Variants in GPM6A observed in about 807,000 individuals in gnomAD.
GPM6A encodes glycoprotein M6A.
In GPM6A, 7 loss-of-function variants were observed where a neutral mutation model predicts 32.1. The ratio of observed to expected loss-of-function variants is 0.22; its 90% confidence interval spans 0.12 to 0.41. The LOEUF (loss-of-function observed/expected upper bound fraction) is 0.41. Among genes scored for constraint, GPM6A ranks in the 10% least tolerant of loss-of-function variants. The pLI, the probability that GPM6A is intolerant of heterozygous loss-of-function variation, is 1.00. For missense variants in GPM6A, 235 were observed against 347.2 expected (o/e 0.68, Z 2.57); for synonymous variants, 130 against 123.4 (o/e 1.05, Z -0.35).
At chr4:175,771,502 C>G (rs1369120534) in intron 1 of GPM6A, among the ~76,000 whole-genome samples, 1 of 139,666 alleles carries the variant, frequency 7.2e-6, no homozygotes, top group Non-Finnish European at 1.5e-5. Flanking sequence ...ACCTGGGAGG[C>G]AGAGGCTGCA....
intron 1 of GPM6A, among the ~76,000 whole-genome samples, chr4:175,967,697 G>T (rs1204556413): frequency 6.6e-6 from 1 of 151,912 alleles, no homozygotes; most frequent in African/African-American, 2.4e-5. Context: ...GAAATACCTA[G>T]GTATAAATCT....
rs771925656 is a variant in GPM6A at position 175,975,616 on chromosome 4, CCTAA to C, written c.-23+26689_-23+26692del. On this transcript the variant is annotated intron_variant, in intron 1 of 7. Coordinates refer to the GPM6A transcript ENST00000280187. Reference sequence around the variant, plus strand: ...TCTAGAATTGCATTTCTCACCAGTTCCTAACTAATTTTTAGAAATATTTAAACAC... The same window carrying C: ...TCTAGAATTGCATTTCTCACCAGTTCCTAATTTTTAGAAATATTTAAACAC... Among the ~76,000 whole-genome samples, 12 of 152,292 alleles carry C rather than the reference CCTAA, an allele frequency of 7.9e-5. No homozygotes were observed. The East Asian group carries it at 2.1e-3, about 27-fold the overall frequency.
At chr4:175,687,928 G>A (rs1744079122) in intron 2 of GPM6A, among the ~76,000 whole-genome samples, 1 of 152,152 alleles carries the variant, frequency 6.6e-6, no homozygotes, top group Admixed American at 6.6e-5. Flanking sequence ...GCACTTCCCA[G>A]ATGGTTAGTG....
At chr4:175,815,072 A>G (rs1458079401), upstream of GPM6A, among the ~76,000 whole-genome samples, 1 of 151,894 alleles carries the variant, frequency 6.6e-6, no homozygotes, top group African/African-American at 2.4e-5. Context: ...GTGCAGTGGC[A>G]TGATCTCAGC....
intron 1 of GPM6A, among the ~76,000 whole-genome samples, chr4:175,921,608 A>G (rs1294616738): frequency 6.6e-6 from 1 of 152,210 alleles, no homozygotes; most frequent in East Asian, 1.9e-4. Context: ...CCTAGGAAAA[A>G]ATAGAATTAT....
chr4:175,820,929 A>G (rs1735260456), intron 1 of GPM6A, among the ~76,000 whole-genome samples: 1 of 152,238 alleles, frequency 6.6e-6, no homozygotes, highest in Non-Finnish European at 1.5e-5. Context: ...ATTTCTAAAC[A>G]ACTGTAAAAA....
chr4:175,948,159 T>C (rs1322653866), intron 1 of GPM6A, among the ~76,000 whole-genome samples: 1 of 152,176 alleles, frequency 6.6e-6, no homozygotes, highest in Admixed American at 6.5e-5. Flanking sequence ...GATTTTTTGC[T>C]CCAATATTAT....
intron 1 of GPM6A, among the ~76,000 whole-genome samples, chr4:175,770,197 T>C (rs1457844496): frequency 6.6e-6 from 1 of 152,190 alleles, no homozygotes; most frequent in Middle Eastern, 3.2e-3. Flanking sequence ...CAGCTAGTTT[T>C]TTGTACTTAG....
At chr4:175,672,925 G>T (rs1240288517) in intron 3 of GPM6A, among the ~76,000 whole-genome samples, 1 of 152,096 alleles carries the variant, frequency 6.6e-6, no homozygotes, top group Non-Finnish European at 1.5e-5. Flanking sequence ...ATTTCTGTGA[G>T]ATTGAAGTAA....
chr4:175,791,334 T>C (rs1734006095), intron 1 of GPM6A, among the ~76,000 whole-genome samples: 2 of 152,174 alleles, frequency 1.3e-5, no homozygotes, highest in Admixed American at 1.3e-4. Flanking sequence ...GCATCTAAAA[T>C]TAGTAGAAGC....
intron 1 of GPM6A, among the ~76,000 whole-genome samples, chr4:175,923,770 T>G (rs1477002317): frequency 1.3e-5 from 2 of 152,066 alleles, no homozygotes; most frequent in Non-Finnish European, 1.5e-5. Flanking sequence ...CTCAGGCTGG[T>G]ATCCAACTCC....
Position 175,886,805 on chromosome 4 carries a change from CTAAA to C in GPM6A, c.-22-74560_-22-74557del, listed in dbSNP as rs150943289. ...GAAATAAAGCCAAATTCTCAGAAATCTAAATAAGTGTTATAAGATTAAACTTGCT... is the reference window on the plus strand; with the variant it reads ...GAAATAAAGCCAAATTCTCAGAAATCTAAGTGTTATAAGATTAAACTTGCT... On this transcript the variant is annotated intron_variant, in intron 1 of 7. Coordinates refer to the GPM6A transcript ENST00000280187. 9.3e-3 allele frequency among the ~76,000 whole-genome samples: 1,406 copies of C among 150,444 alleles called. 13 individuals carry two copies. The highest frequency in any genetic ancestry group is 0.015 in the Non-Finnish European group (1,028 of 67,504).
At chr4:175,823,224 C>A (rs371343935) in intron 1 of GPM6A, among the ~76,000 whole-genome samples, 58 of 152,278 alleles carry the variant, frequency 3.8e-4, no homozygotes, top group Admixed American at 1.0e-3. Flanking sequence ...TCATTCAATA[C>A]TTGATTAACA....
At chr4:175,840,932 C>T (rs1735916155) in intron 1 of GPM6A, among the ~76,000 whole-genome samples, 1 of 152,004 alleles carries the variant, frequency 6.6e-6, no homozygotes, top group Non-Finnish European at 1.5e-5. Flanking sequence ...TTTTTAAGTC[C>T]TTAACATATA....
chr4:175,741,553 T>G (rs1407761669), intron 1 of GPM6A, among the ~76,000 whole-genome samples: 1 of 152,136 alleles, frequency 6.6e-6, no homozygotes, highest in African/African-American at 2.4e-5. Flanking sequence ...ATCAGGATCT[T>G]CTGGAATATC....
At chr4:175,978,976 A>G (rs528056903) in intron 1 of GPM6A, among the ~76,000 whole-genome samples, 2 of 152,208 alleles carry the variant, frequency 1.3e-5, no homozygotes, top group South Asian at 4.1e-4. Context: ...AAAAAAAAAA[A>G]AAATCCAAAT....
intron 1 of GPM6A, among the ~76,000 whole-genome samples, chr4:175,972,296 T>C (rs77168161): frequency 0.019 from 2,865 of 152,316 alleles, 57 homozygotes; most frequent in African/African-American, 0.046. Flanking sequence ...AAAATCCAAA[T>C]TATTTATTTT....
chr4:175,843,610 T>G lies in GPM6A; in HGVS notation c.-22-31361A>C, dbSNP rs116173541. 3.1e-3 allele frequency among the ~76,000 whole-genome samples: 479 copies of G among 152,316 alleles called. 3 individuals carry two copies. The highest frequency in any genetic ancestry group is 0.011 in the African/African-American group (448 of 41,580). On this transcript the variant is annotated intron_variant, in intron 1 of 7. Transcript: ENST00000280187. Reference sequence around the variant, plus strand: ...GCGAGCTTCATAGGCAGGCAACCTGTGGAGCTGAACTAGGTGCTATGCTTA... The same window carrying G: ...GCGAGCTTCATAGGCAGGCAACCTGGGGAGCTGAACTAGGTGCTATGCTTA...
chr4:175,738,096 C>A (rs1035374312), intron 1 of GPM6A, among the ~76,000 whole-genome samples: 1 of 152,128 alleles, frequency 6.6e-6, no homozygotes, highest in Non-Finnish European at 1.5e-5. Context: ...TGCCAACACG[C>A]CTGGCTAAAT....
Sources: allele counts gnomAD v4.1 joint callset (sites outside exome capture counted in the v4.1 genomes callset), GRCh38; gene constraint gnomAD v4.1.1; transcripts MANE v1.5; gene names NCBI Gene and HGNC (gene_info 2026-07-23, HGNC 2026-07-21).